CPEB3: variants seen among roughly 807,000 people sequenced by gnomAD.
CPEB3 encodes cytoplasmic polyadenylation element-binding protein 3.
Under a neutral mutation model 67.2 loss-of-function variants are expected in CPEB3, and 20 were observed. The ratio of observed to expected loss-of-function variants is 0.30; its 90% confidence interval spans 0.21 to 0.43. The LOEUF (loss-of-function observed/expected upper bound fraction) is 0.43, where lower values mean the gene tolerates loss of function less well. CPEB3 is among the 20% of genes least tolerant of loss of function. CPEB3 has a pLI of 1.00. For missense variants in CPEB3, 746 were observed against 968.6 expected (o/e 0.77, Z 3.05); for synonymous variants, 376 against 393.1 (o/e 0.96, Z 0.51).
At chr10:92,241,696 T>C (rs1851858783) in intron 1 of CPEB3, among the ~76,000 whole-genome samples, 1 of 152,132 alleles carries the variant, frequency 6.6e-6, no homozygotes, top group African/African-American at 2.4e-5. Context: ...AGGATGAAAA[T>C]TACTAATCAC....
chr10:92,213,616 A>C (rs1850201265), intron 2 of CPEB3, among the ~76,000 whole-genome samples: 1 of 152,164 alleles, frequency 6.6e-6, no homozygotes, highest in Non-Finnish European at 1.5e-5. Flanking sequence ...ACATGTCCTA[A>C]ATTTTTAGAC....
At chr10:92,154,775 T>G (rs1056298541) in intron 4 of CPEB3, among the ~76,000 whole-genome samples, 1 of 152,218 alleles carries the variant, frequency 6.6e-6, no homozygotes, top group Non-Finnish European at 1.5e-5. Flanking sequence ...TATTCCATTA[T>G]CCAAATAGGT....
At chr10:92,060,341 C>T (rs979279239) in intron 9 of CPEB3, among the ~76,000 whole-genome samples, 2 of 151,966 alleles carry the variant, frequency 1.3e-5, no homozygotes, top group African/African-American at 4.8e-5. Context: ...CAGAGGAAGA[C>T]CTTGTCTAAA....
intron 1 of CPEB3, among the ~76,000 whole-genome samples, chr10:92,287,009 T>A (rs1026932824): frequency 4.6e-5 from 7 of 152,250 alleles, no homozygotes; most frequent in African/African-American, 1.7e-4. Flanking sequence ...CCTCTGAACT[T>A]GGGAGAATCT....
intron 2 of CPEB3, among the ~76,000 whole-genome samples, chr10:92,226,121 G>T (rs1039223199): frequency 6.6e-6 from 1 of 152,096 alleles, no homozygotes; most frequent in African/African-American, 2.4e-5. Flanking sequence ...AATAATTACA[G>T]GCAACTGGGG....
At chr10:92,177,005 G>C (rs1590311102) in intron 4 of CPEB3, among the ~76,000 whole-genome samples, 1 of 152,176 alleles carries the variant, frequency 6.6e-6, no homozygotes, top group Non-Finnish European at 1.5e-5. Context: ...TTGTGGCCCA[G>C]GACAATTATT....
rs769133875 is a variant in CPEB3, at chr10:92,240,297, C to G, written c.54G>C (p.Gln18His). ...DKSKTQPQPQ[Q>H]QQRQQQQPQP... is the part of the protein sequence containing the mutation. ...GGGGCTGCTGCTGCTGCCGCTGCTGCTGCTGGGGCTGGGGCTGGGTTTTGC... is the reference window on the plus strand; with the variant it reads ...GGGGCTGCTGCTGCTGCCGCTGCTGGTGCTGGGGCTGGGGCTGGGTTTTGC... The change falls in exon 2 of 10, where the codon CAG becomes CAC. Residue 18 changes from glutamine (Q) to histidine (H), a missense_variant. Gln to His is a conservative substitution (Grantham distance 24). Transcript: ENST00000265997. 1.3e-6 allele frequency: 2 copies of G among 1,515,928 alleles called. No homozygotes were observed. Among genetic ancestry groups the G allele is most frequent in the South Asian group, 2.6e-5 (2 of 78,290 alleles). The allele number at this position is 1,515,928 out of a possible 1,614,324, so 93.9% of individuals were successfully genotyped here.
chr10:92,225,724 T>C (rs1474876289), intron 2 of CPEB3, among the ~76,000 whole-genome samples: 2 of 152,208 alleles, frequency 1.3e-5, no homozygotes, highest in Non-Finnish European at 2.9e-5. Flanking sequence ...CTATGTAAAT[T>C]ACATTACACA....
intron 9 of CPEB3, among the ~76,000 whole-genome samples, chr10:92,053,632 C>T (rs1841999417): frequency 6.6e-6 from 1 of 151,584 alleles, no homozygotes; most frequent in Non-Finnish European, 1.5e-5. Context: ...AGCTCCGCCT[C>T]CCAGGTTCAC....
chr10:92,069,764 T>C (rs1288343747), intron 9 of CPEB3, among the ~76,000 whole-genome samples: 1 of 152,234 alleles, frequency 6.6e-6, no homozygotes, highest in Admixed American at 6.5e-5. Context: ...AAAGTCGCTC[T>C]GGTTCCCAAC....
chr10:92,204,530 A>G (rs1849687813), intron 2 of CPEB3, among the ~76,000 whole-genome samples: 2 of 152,258 alleles, frequency 1.3e-5, no homozygotes, highest in African/African-American at 4.8e-5. Context: ...AAAGGTCACC[A>G]ATGTACATGT....
chr10:92,195,046 AACACACACACACAC>A (rs371911549), intron 2 of CPEB3, among the ~76,000 whole-genome samples: 29 of 117,152 alleles, frequency 2.5e-4, no homozygotes, highest in East Asian at 2.3e-3. Flanking sequence ...TGTCTCAAAA[AACACACACACACAC>A]ACACACACAC....
At chr10:92,140,428 T>C (rs948513605) in intron 6 of CPEB3, among the ~76,000 whole-genome samples, 2 of 152,176 alleles carry the variant, frequency 1.3e-5, no homozygotes, top group African/African-American at 4.8e-5. Context: ...GCTAGCCATA[T>C]GTAGAAAGCT....
At chr10:92,137,243 G>C in intron 6 of CPEB3, 1 of 564,440 alleles carries the variant, frequency 1.8e-6, no homozygotes, top group South Asian at 2.0e-5. Flanking sequence ...GGTGCCTCCT[G>C]TCATGGCTGT....
intron 9 of CPEB3, among the ~76,000 whole-genome samples, chr10:92,057,203 G>C (rs1161365732): frequency 6.6e-6 from 1 of 152,138 alleles, no homozygotes; most frequent in Non-Finnish European, 1.5e-5. Flanking sequence ...TGGCATTTCT[G>C]GACCTGCCCT....
intron 7 of CPEB3, among the ~76,000 whole-genome samples, chr10:92,105,430 T>C (rs1413964702): frequency 6.6e-6 from 1 of 152,186 alleles, no homozygotes; most frequent in African/African-American, 2.4e-5. Flanking sequence ...GTCACACCAT[T>C]TCCCATTTTT....
At chr10:92,258,883 C>T (rs867922383) in intron 1 of CPEB3, among the ~76,000 whole-genome samples, 93 of 151,296 alleles carry the variant, frequency 6.1e-4, no homozygotes, top group Middle Eastern at 3.4e-3. Context: ...TGGTCTCCAT[C>T]TCTTGACCTC....
At position 92,052,000 on chromosome 10, in the gene CPEB3, C is replaced by T; in HGVS notation, c.*212G>A. On this transcript the variant is annotated 3_prime_UTR_variant, in exon 10 of 10. Transcript: ENST00000265997. ...TGTGAATCAAAGTGCAAATCAGTAC[C>T]ATTCTACACTCTGCAATTCTGCATT... 2.0e-6 allele frequency: 1 copy of T among 495,650 alleles called. No individual in the cohort carries two copies. The highest frequency in any genetic ancestry group is 3.6e-6 in the Non-Finnish European group (1 of 278,996). 30.7% of individuals were successfully genotyped at this position (495,650 alleles called of 1,614,324 possible).
intron 2 of CPEB3, among the ~76,000 whole-genome samples, chr10:92,220,288 ATCTG>A (rs1203552893): frequency 4.6e-5 from 7 of 152,230 alleles, no homozygotes; most frequent in Non-Finnish European, 8.8e-5. Flanking sequence ...AGCACAATTA[ATCTG>A]TCTTTGTTCT....
Sources: gnomAD v4.1 joint callset for allele counts (sites outside exome capture counted in the v4.1 genomes callset) on GRCh38, gnomAD v4.1.1 for gene constraint, MANE v1.5 for transcripts, NCBI Gene and HGNC (gene_info 2026-07-23, HGNC 2026-07-21) for gene names.